Variants in RIMS1 observed in about 807,000 individuals in gnomAD.
RIMS1 encodes regulating synaptic membrane exocytosis 1.
A neutral mutation model predicts 214.1 loss-of-function variants in RIMS1; 83 were observed. The observed-to-expected ratio is 0.39, with a 90% CI of 0.32 to 0.47. The LOEUF (loss-of-function observed/expected upper bound fraction) is 0.47. Among genes scored for constraint, RIMS1 ranks in the 20% least tolerant of loss-of-function variants. The probability of loss-of-function intolerance (pLI) is 0.99; values close to 1 mark genes in which losing one functional copy is unlikely to be tolerated. For missense variants in RIMS1, 2,050 were observed against 2,161.8 expected (o/e 0.95, Z 1.03); for synonymous variants, 793 against 786.8 (o/e 1.01, Z -0.13).
intron 29 of RIMS1, among the ~76,000 whole-genome samples, chr6:72,339,258 T>C (rs956748558): frequency 6.6e-6 from 1 of 151,784 alleles, no homozygotes; most frequent in Non-Finnish European, 1.5e-5. Context: ...AAGAGTACTT[T>C]TTTTTCATTT....
At chr6:72,327,063 T>A (rs890907621) in intron 28 of RIMS1, among the ~76,000 whole-genome samples, 4 of 151,616 alleles carry the variant, frequency 2.6e-5, no homozygotes, top group African/African-American at 9.7e-5. Context: ...AGATGAAACA[T>A]AGCCCAGCTG....
At chr6:72,089,184 A>T (rs924643108) in intron 2 of RIMS1, among the ~76,000 whole-genome samples, 2 of 151,958 alleles carry the variant, frequency 1.3e-5, no homozygotes, top group Non-Finnish European at 1.5e-5. Flanking sequence ...CATTTCATAG[A>T]CTCTCCTGCA....
intron 2 of RIMS1, among the ~76,000 whole-genome samples, chr6:71,990,345 G>A (rs1358987731): frequency 6.6e-6 from 1 of 152,114 alleles, no homozygotes; most frequent in African/African-American, 2.4e-5. Context: ...AGGGTTACAG[G>A]CATTGAAGTT....
intron 22 of RIMS1, among the ~76,000 whole-genome samples, chr6:72,266,539 A>G (rs1178628202): frequency 2.0e-5 from 3 of 152,148 alleles, no homozygotes; most frequent in African/African-American, 7.2e-5. Flanking sequence ...TTTTTAATCA[A>G]TCTACTCTTT....
At chr6:72,332,015 C>T (rs2096676176) in intron 28 of RIMS1, among the ~76,000 whole-genome samples, 1 of 151,798 alleles carries the variant, frequency 6.6e-6, no homozygotes, top group African/African-American at 2.4e-5. Context: ...GCTGATCTTG[C>T]TCTCCCACCT....
At chr6:72,227,802 AAAT>A (rs1168330185) in intron 6 of RIMS1, among the ~76,000 whole-genome samples, 8 of 151,976 alleles carry the variant, frequency 5.3e-5, no homozygotes, top group Admixed American at 5.3e-4. Flanking sequence ...ATAACTTAAT[AAAT>A]AATAATTGAT....
At chr6:72,196,049 T>C (rs2050805045) in intron 6 of RIMS1, among the ~76,000 whole-genome samples, 1 of 152,056 alleles carries the variant, frequency 6.6e-6, no homozygotes, top group Admixed American at 6.6e-5. Context: ...TTGATACATG[T>C]GGATCATGGG....
rs1337514045 is a variant in RIMS1, at chr6:72,196,369, GTCTGTCTGTCTATCTA to G, written c.1678+13224_1678+13239del. Among the ~76,000 whole-genome samples, 84 of 123,042 alleles carry G rather than the reference GTCTGTCTGTCTATCTA, an allele frequency of 6.8e-4. 1 individual carries two copies. Among genetic ancestry groups the G allele is most frequent in the African/African-American group, 2.5e-3 (77 of 30,274 alleles). The allele number at this position is 123,042 out of a possible 152,430, so 80.7% of individuals were successfully genotyped here. The stretch of plus-strand genomic sequence containing the variant: ...ATTTCCTCTGTCTGTCTGTCTGTCT[GTCTGTCTGTCTATCTA>G]TCTATCTATCTATCTATCTATCTAT... On this transcript the variant is annotated intron_variant, in intron 6 of 33. Transcript: ENST00000521978.
chr6:72,119,175 C>T (rs1191355433), intron 4 of RIMS1, among the ~76,000 whole-genome samples: 3 of 151,650 alleles, frequency 2.0e-5, no homozygotes, highest in Admixed American at 6.6e-5. Flanking sequence ...TGCTACACAC[C>T]AACAATGACT....
intron 6 of RIMS1, among the ~76,000 whole-genome samples, chr6:72,219,843 G>A (rs2057794166): frequency 6.6e-6 from 1 of 151,194 alleles, no homozygotes; most frequent in Non-Finnish European, 1.5e-5. Context: ...ATTATGTTCT[G>A]TAATCACTTA....
intron 29 of RIMS1, among the ~76,000 whole-genome samples, chr6:72,371,682 C>A (rs780204681): frequency 1.3e-5 from 2 of 152,046 alleles, no homozygotes; most frequent in Non-Finnish European, 2.9e-5. Context: ...AAGTGCTGGC[C>A]AGCATTCAAG....
chr6:71,889,614 G>A (rs1322353415), intron 1 of RIMS1, among the ~76,000 whole-genome samples: 1 of 152,156 alleles, frequency 6.6e-6, no homozygotes, highest in Admixed American at 6.5e-5. Context: ...ATGTAAGCAT[G>A]TCATATTGTC....
chr6:72,041,800 T>C (rs1222860223), intron 2 of RIMS1, among the ~76,000 whole-genome samples: 1 of 151,962 alleles, frequency 6.6e-6, no homozygotes, highest in Non-Finnish European at 1.5e-5. Context: ...TCCTTGTATT[T>C]CATCGTTGAA....
rs754194607 is a variant in RIMS1 at position 72,233,825 on chromosome 6, A to G, written c.1731A>G (p.Thr577=). Residue 577 remains threonine (T), a synonymous_variant, in exon 7 of 34, where the codon ACA becomes ACG. Transcript: ENST00000521978. ...LDPATWHSRE[T]SPISSHPVTW... is the part of the protein sequence containing the mutation. ...CTGCCACGTGGCACAGCCGGGAGAC[A>G]TCACCTATTAGTTCGGTAAGTTTTC... 3.8e-6 allele frequency: 6 copies of G among 1,579,698 alleles called. No individual in the cohort carries two copies. Among genetic ancestry groups the G allele is most frequent in the South Asian group, 1.2e-5 (1 of 86,442 alleles).
intron 2 of RIMS1, among the ~76,000 whole-genome samples, chr6:72,067,086 T>C (rs1315904917): frequency 6.6e-6 from 1 of 152,168 alleles, no homozygotes; most frequent in Non-Finnish European, 1.5e-5. Context: ...TCATATCTGT[T>C]CTTTCTACCC....
chr6:72,153,317 C>T (rs2043989556), intron 4 of RIMS1, among the ~76,000 whole-genome samples: 1 of 151,530 alleles, frequency 6.6e-6, no homozygotes, highest in Admixed American at 6.6e-5. Flanking sequence ...GAATCAGGAA[C>T]TTCTAAAGCA....
At chr6:72,190,158 A>T (rs1192385388) in intron 6 of RIMS1, among the ~76,000 whole-genome samples, 2 of 152,226 alleles carry the variant, frequency 1.3e-5, no homozygotes, top group South Asian at 2.1e-4. Context: ...TCCTTCAGGG[A>T]TGTCCTAGAA....
intron 1 of RIMS1, among the ~76,000 whole-genome samples, chr6:71,906,668 A>G (rs368581119): frequency 1.7e-4 from 26 of 152,224 alleles, no homozygotes; most frequent in African/African-American, 6.0e-4. Flanking sequence ...GTGGATTTCT[A>G]AATCAATGAG....
intron 2 of RIMS1, among the ~76,000 whole-genome samples, chr6:72,062,203 G>A (rs1828042374): frequency 6.6e-6 from 1 of 151,988 alleles, no homozygotes; most frequent in Non-Finnish European, 1.5e-5. Flanking sequence ...GAGTCATGAG[G>A]CAACTGAGTA....
Sources: gnomAD v4.1 joint callset for allele counts (sites outside exome capture counted in the v4.1 genomes callset) on GRCh38, gnomAD v4.1.1 for gene constraint, MANE v1.5 for transcripts, NCBI Gene and HGNC (gene_info 2026-07-23, HGNC 2026-07-21) for gene names.